Variants in TRPM3 observed in about 807,000 individuals in gnomAD.
TRPM3 encodes the protein transient receptor potential cation channel subfamily M member 3, also known as long transient receptor potential channel 3.
A neutral mutation model predicts 181.2 loss-of-function variants in TRPM3; 77 were observed. That is an observed-to-expected ratio of 0.42 (90% CI 0.35 to 0.51). The LOEUF is 0.51. TRPM3 is among the 20% of genes least tolerant of loss of function. TRPM3 has a pLI of 0.01. For synonymous variants in TRPM3, 745 were observed against 796.4 expected, an observed-to-expected ratio of 0.94 and a Z score of 1.09; for missense variants, 1,759 against 2,196.7, an observed-to-expected ratio of 0.80 and a Z score of 3.98.
intron 1 of TRPM3, among the ~76,000 whole-genome samples, chr9:70,926,915 G>T (rs2096726627): frequency 6.6e-6 from 1 of 152,154 alleles, no homozygotes; most frequent in Admixed American, 6.5e-5. Context: ...GGAGGCCTGT[G>T]TTGACAGCTC....
intron 1 of TRPM3, among the ~76,000 whole-genome samples, chr9:71,025,102 C>G (rs908739194): frequency 6.6e-6 from 1 of 152,174 alleles, no homozygotes; most frequent in Admixed American, 6.5e-5. Flanking sequence ...TCTTCACCCC[C>G]TTGGCAATGT....
At chr9:71,165,106 C>A (rs1466878555) in intron 1 of TRPM3, among the ~76,000 whole-genome samples, 9 of 152,154 alleles carry the variant, frequency 5.9e-5, no homozygotes, top group African/African-American at 1.9e-4. Flanking sequence ...TATAGACCAG[C>A]CCCGGAGCCA....
At chr9:71,018,232 A>C (rs1590687772) in intron 1 of TRPM3, among the ~76,000 whole-genome samples, 1 of 151,836 alleles carries the variant, frequency 6.6e-6, no homozygotes, top group East Asian at 1.9e-4. Context: ...AAGCAAAAAA[A>C]ATGCCTGGAA....
chr9:71,263,968 G>A (rs1229815805), intron 1 of TRPM3, among the ~76,000 whole-genome samples: 2 of 152,158 alleles, frequency 1.3e-5, no homozygotes, highest in South Asian at 4.2e-4. Context: ...ATTTCTTGTA[G>A]AGACAAGGTC....
At chr9:71,352,025 G>A (rs984057326) in intron 1 of TRPM3, among the ~76,000 whole-genome samples, 34 of 151,936 alleles carry the variant, frequency 2.2e-4, no homozygotes, top group African/African-American at 6.0e-4. Context: ...ACAGGCACCC[G>A]CCACCACACC....
intron 1 of TRPM3, among the ~76,000 whole-genome samples, chr9:71,067,328 T>C (rs2062057520): frequency 1.3e-5 from 2 of 152,230 alleles, no homozygotes; most frequent in African/African-American, 4.8e-5. Context: ...GATCCAGAGA[T>C]AACTGCTGTT....
At chr9:71,132,907 A>G (rs2134469118) in intron 1 of TRPM3, among the ~76,000 whole-genome samples, 1 of 152,264 alleles carries the variant, frequency 6.6e-6, no homozygotes, top group East Asian at 1.9e-4. Flanking sequence ...TAATCAGCTC[A>G]CTTGCAATTT....
intron 19 of TRPM3, among the ~76,000 whole-genome samples, chr9:70,608,612 C>T (rs1341532328): frequency 6.6e-6 from 1 of 152,050 alleles, no homozygotes; most frequent in Admixed American, 6.6e-5. Context: ...GAGGCAGGCC[C>T]ATAGCTTGAG....
intron 1 of TRPM3, among the ~76,000 whole-genome samples, chr9:71,312,090 CT>C (rs2088007285): frequency 1.3e-5 from 2 of 152,116 alleles, no homozygotes; most frequent in Admixed American, 1.3e-4. Flanking sequence ...AAATTTAAAA[CT>C]TCTTCTCTGT....
intron 1 of TRPM3, among the ~76,000 whole-genome samples, chr9:71,219,095 G>A (rs985854079): frequency 2.0e-5 from 3 of 152,086 alleles, no homozygotes; most frequent in African/African-American, 7.2e-5. Flanking sequence ...TAACGATTGT[G>A]CTCAAAATTT....
At chr9:70,543,647 G>A (rs7040145) in intron 25 of TRPM3, among the ~76,000 whole-genome samples, 93,125 of 151,970 alleles carry the variant, frequency 0.61, 29,137 homozygotes, top group East Asian at 0.82. Context: ...CTATGTTTCT[G>A]TCACTTTTTG....
In TRPM3 at chr9:71,307,603, G is replaced by T. The variant is rs138979478; in HGVS notation, c.183+139050C>A. Among the ~76,000 whole-genome samples the T allele has an allele frequency of 8.1e-3, 1,227 of 152,166 alleles. 18 individuals carry two copies. The highest frequency in any genetic ancestry group is 0.027 in the African/African-American group (1,112 of 41,544). On this transcript the variant is annotated intron_variant, in intron 1 of 24. Coordinates refer to the TRPM3 transcript ENST00000357533. Reference sequence around the variant, plus strand: ...TTTTTAGTGGGGGAAGAGGTTATGTGTATTATAATTAGATTTATTCAGTAG... The same window carrying T: ...TTTTTAGTGGGGGAAGAGGTTATGTTTATTATAATTAGATTTATTCAGTAG...
intron 1 of TRPM3, among the ~76,000 whole-genome samples, chr9:71,401,935 C>T (rs1009607264): frequency 1.3e-5 from 2 of 152,196 alleles, no homozygotes; most frequent in African/African-American, 4.8e-5. Context: ...CCTCAAATCA[C>T]TCTCATGAGT....
intron 9 of TRPM3, among the ~76,000 whole-genome samples, chr9:70,666,365 A>G (rs1187415650): frequency 6.6e-6 from 1 of 152,006 alleles, no homozygotes; most frequent in Non-Finnish European, 1.5e-5. Flanking sequence ...TGTGTTCTGT[A>G]TTTGTTTATT....
At chr9:70,551,942 GGAGGGT>G (rs2046561540) in intron 24 of TRPM3, among the ~76,000 whole-genome samples, 1 of 152,170 alleles carries the variant, frequency 6.6e-6, no homozygotes, top group East Asian at 1.9e-4. Flanking sequence ...GCAAGGTCAG[GGAGGGT>G]GTTAAGAGCT....
At chr9:71,396,666 G>GA (rs386415047) in intron 1 of TRPM3, among the ~76,000 whole-genome samples, 2,867 of 139,602 alleles carry the variant, frequency 0.021, 33 homozygotes, top group African/African-American at 0.037. Flanking sequence ...CCTCTTTAAG[G>GA]AAAAAAAAAA....
chr9:70,551,290 T>G (rs1056691801), intron 24 of TRPM3, among the ~76,000 whole-genome samples: 1 of 152,196 alleles, frequency 6.6e-6, no homozygotes, highest in Non-Finnish European at 1.5e-5. Context: ...ATTCATACAA[T>G]GCAGGGCCCT....
chr9:71,420,923 GAA>G (rs373238983), intron 1 of TRPM3, among the ~76,000 whole-genome samples: 1 of 132,050 alleles, frequency 7.6e-6, no homozygotes, highest in Non-Finnish European at 1.6e-5. Flanking sequence ...AAAAGGGAGA[GAA>G]AAAGGGAGAG....
intron 22 of TRPM3, 60 bp from the exon 23 acceptor site, chr9:70,553,370 A>T (rs999180537): frequency 1.1e-4 from 179 of 1,583,072 alleles, no homozygotes; most frequent in Non-Finnish European, 1.4e-4. Flanking sequence ...GAAAAAAAAT[A>T]AAAAGATGGA....
Sources: gnomAD v4.1 joint callset for allele counts (sites outside exome capture counted in the v4.1 genomes callset) on GRCh38, gnomAD v4.1.1 for gene constraint, MANE v1.5 for transcripts, NCBI Gene and HGNC (gene_info 2026-07-23, HGNC 2026-07-21) for gene names.